Variants in DOCK10 observed in about 807,000 individuals in gnomAD.
DOCK10 encodes dedicator of cytokinesis protein 10.
A neutral mutation model predicts 280.1 loss-of-function variants in DOCK10; 145 were observed. That is an observed-to-expected ratio of 0.52 (90% confidence interval 0.45 to 0.59). DOCK10 has a LOEUF of 0.59. DOCK10 is among the 20% of genes least tolerant of loss of function. The pLI, the probability that DOCK10 is intolerant of heterozygous loss-of-function variation, is 0.00. For missense variants in DOCK10, 2,368 were observed against 2,651.7 expected (o/e 0.89, Z 2.35); for synonymous variants, 915 against 942.2 (o/e 0.97, Z 0.53).
chr2:224,796,437 A>G lies in DOCK10; in HGVS notation c.4828-11T>C. ...CACAGCTTTGATGAGCTAGAAAAGA[A>G]AAAAAATGAACTCTCAAAAACAAGA... On this transcript the variant is annotated splice_polypyrimidine_tract_variant and intron_variant, in intron 43 of 55. Coordinates refer to ENST00000258390, the MANE Select transcript of DOCK10 (RefSeq NM_014689.3). 1 of 1,518,592 alleles carries G rather than the reference A, an allele frequency of 6.6e-7. No individual in the cohort carries two copies. Among genetic ancestry groups the G allele is most frequent in the Non-Finnish European group, 8.9e-7 (1 of 1,119,178 alleles). The allele number at this position is 1,518,592 out of a possible 1,614,324, so 94.1% of individuals were successfully genotyped here. A position where few individuals can be genotyped will look rare whatever the true frequency, so the allele number is the denominator to read the frequency against.
intron 13 of DOCK10, among the ~76,000 whole-genome samples, chr2:224,864,022 G>A (rs2125622676): frequency 6.6e-6 from 1 of 152,254 alleles, no homozygotes; most frequent in Non-Finnish European, 1.5e-5. Flanking sequence ...TGGGGTGAAA[G>A]CTTTATCCAC....
rs183898969 is a variant in DOCK10 at position 224,946,328 on chromosome 2, C to T, written c.124-14660G>A. On this transcript the variant is annotated intron_variant, in intron 1 of 55. Transcript: ENST00000258390. Reference sequence around the variant, plus strand: ...ACCTTTAAAACCTTTAAAAGTATCACTTTTTAAAGTCCTCCTTGGCTCTAT... The same window carrying T: ...ACCTTTAAAACCTTTAAAAGTATCATTTTTTAAAGTCCTCCTTGGCTCTAT... Among the ~76,000 whole-genome samples, 617 of 152,276 alleles carry T rather than the reference C, an allele frequency of 4.1e-3. 6 individuals are homozygous for T. Among genetic ancestry groups the T allele is most frequent in the African/African-American group, 0.014 (591 of 41,570 alleles).
rs1188602254 is a variant in DOCK10, at chr2:224,886,117, G to A, written c.558C>T (p.Gly186=). 22 of 1,613,726 alleles carry A rather than the reference G, an allele frequency of 1.4e-5. No homozygotes were observed. The highest frequency in any genetic ancestry group is 1.9e-5 in the Non-Finnish European group (22 of 1,179,878). ...GAGGTGVFKS[G]WLYKGNFNST... ...TGTTAAAATTCCCCTTGTAGAGCCA[G>A]CCGGACTTGAAAACACCAGTTCCTC... Residue 186 remains glycine (G), a synonymous_variant, in exon 6 of 56, where the codon GGC becomes GGT. Transcript: ENST00000258390.
chr2:224,809,165 A>C (rs146294772), intron 31 of DOCK10, among the ~76,000 whole-genome samples: 2 of 152,302 alleles, frequency 1.3e-5, no homozygotes, highest in East Asian at 3.9e-4. Context: ...AATGTTAAAA[A>C]TTTCCAGTAA....
At position 224,916,734 on chromosome 2, in the gene DOCK10, T is replaced by C. The variant is rs1387088037; in HGVS notation, c.294A>G (p.Glu98=). The change falls in exon 3 of 56, where the codon GAA becomes GAG. Residue 98 remains glutamate (E), a synonymous_variant. Coordinates refer to ENST00000258390, the MANE Select transcript of DOCK10 (RefSeq NM_014689.3). ...AATTTTCTGCCTTGTGCTCTGCATC[T>C]TCAGGTACTGTTGAGTACAACGTGC... ...DIRTLYSTVP[E]DAEHKAENLL... The C allele has an allele frequency of 6.2e-7, 1 of 1,611,604 alleles. No homozygotes were observed. Among genetic ancestry groups the C allele is most frequent in the Admixed American group, 1.7e-5 (1 of 59,732 alleles).
intron 8 of DOCK10, among the ~76,000 whole-genome samples, chr2:224,875,569 T>C (rs1343730142): frequency 6.6e-6 from 1 of 152,186 alleles, no homozygotes; most frequent in East Asian, 1.9e-4. Context: ...AAAAATTCTA[T>C]CACCATGTAT....
intron 3 of DOCK10, among the ~76,000 whole-genome samples, chr2:224,908,504 T>G (rs574962704): frequency 7.9e-5 from 12 of 152,070 alleles, no homozygotes; most frequent in Non-Finnish European, 1.0e-4. Flanking sequence ...TTCTTTTTTA[T>G]TTTTCTACGG....
At chr2:225,009,576 T>A (rs923887524) in intron 1 of DOCK10, among the ~76,000 whole-genome samples, 4 of 149,548 alleles carry the variant, frequency 2.7e-5, no homozygotes, top group African/African-American at 9.8e-5. Context: ...CAGAATGTCG[T>A]CTGCAGAGAA....
rs1472206635 is a variant in DOCK10 at position 224,816,215 on chromosome 2, T to TTA, written c.3364+400_3364+401dup. Among the ~76,000 whole-genome samples, 8 of 148,618 alleles carry TTA rather than the reference T, an allele frequency of 5.4e-5. No homozygotes were observed. The South Asian group carries it at 1.0e-3, about 19-fold the overall frequency. ...ACTCTCTACCATAATACATATATAT[T>TTA]TATATATATAATATTTATAAATTAT... is the stretch of plus-strand genomic sequence containing the variant. On this transcript the variant is annotated intron_variant, in intron 30 of 55. Coordinates refer to ENST00000258390, the MANE Select transcript of DOCK10 (RefSeq NM_014689.3).
chr2:224,950,398 T>C (rs570862255), intron 1 of DOCK10, among the ~76,000 whole-genome samples: 27 of 152,346 alleles, frequency 1.8e-4, no homozygotes, highest in African/African-American at 5.8e-4. Flanking sequence ...ATTGTTATCA[T>C]TGTTATCACC....
At chr2:224,982,319 A>T in intron 1 of DOCK10, 1 of 1,232,038 alleles carries the variant, frequency 8.1e-7, no homozygotes, top group Admixed American at 4.2e-5. Flanking sequence ...GCTCCTCTGG[A>T]CCACAGAACG....
At chr2:225,025,147 CT>C (rs1689886092) in intron 1 of DOCK10, among the ~76,000 whole-genome samples, 1 of 152,132 alleles carries the variant, frequency 6.6e-6, no homozygotes, top group South Asian at 2.1e-4. Context: ...GCTCTCTGGG[CT>C]TTGGTGGAGA....
At chr2:224,821,596 T>C (rs1694508267) in intron 28 of DOCK10, among the ~76,000 whole-genome samples, 2 of 152,196 alleles carry the variant, frequency 1.3e-5, no homozygotes, top group East Asian at 3.8e-4. Context: ...ATGTGTCAAA[T>C]AAATGCCATT....
chr2:224,980,685 T>C (rs927844091), intron 1 of DOCK10, among the ~76,000 whole-genome samples: 21 of 152,220 alleles, frequency 1.4e-4, no homozygotes, highest in African/African-American at 5.1e-4. Flanking sequence ...CGGTTATCAT[T>C]ATTTCCTTAG....
intron 8 of DOCK10, 113 bp downstream of exon 8, chr2:224,875,925 C>T: frequency 9.6e-7 from 1 of 1,045,818 alleles, no homozygotes. Context: ...AACAAACAGC[C>T]CCAGGATGGA....
chr2:224,780,405 AT>A (rs1415826881), intron 50 of DOCK10, among the ~76,000 whole-genome samples: 4 of 152,204 alleles, frequency 2.6e-5, no homozygotes, highest in Non-Finnish European at 5.9e-5. Flanking sequence ...TTTCAGGCGA[AT>A]CCTCATGGGG....
chr2:224,963,862 C>A (rs1387374314), intron 1 of DOCK10, among the ~76,000 whole-genome samples: 1 of 152,150 alleles, frequency 6.6e-6, no homozygotes, highest in Non-Finnish European at 1.5e-5. Flanking sequence ...TGATGTTCTT[C>A]ATCTATTTCT....
At chr2:224,957,908 A>T (rs1294995972) in intron 1 of DOCK10, among the ~76,000 whole-genome samples, 1 of 152,216 alleles carries the variant, frequency 6.6e-6, no homozygotes, top group Non-Finnish European at 1.5e-5. Flanking sequence ...CAAACTGGTC[A>T]CCTAGGCAAA....
chr2:224,810,061 G>A (rs1240275246), intron 31 of DOCK10, among the ~76,000 whole-genome samples: 1 of 149,376 alleles, frequency 6.7e-6, no homozygotes, highest in African/African-American at 2.5e-5. Context: ...ATTATGCTAA[G>A]TGAAATAAGC....
Sources: gnomAD v4.1 joint callset for allele counts (sites outside exome capture counted in the v4.1 genomes callset) on GRCh38, gnomAD v4.1.1 for gene constraint, MANE v1.5 for transcripts, NCBI Gene and HGNC (gene_info 2026-07-23, HGNC 2026-07-21) for gene names.